PFKL: variants seen among roughly 807,000 people sequenced by gnomAD.
The protein encoded by PFKL is ATP-dependent 6-phosphofructokinase, liver type.
A neutral mutation model predicts 92.1 loss-of-function variants in PFKL; 74 were observed. The ratio of observed to expected loss-of-function variants is 0.80; its 90% confidence interval spans 0.67 to 0.97. The LOEUF (loss-of-function observed/expected upper bound fraction) is 0.97, where lower values mean the gene tolerates loss of function less well. Ranked by LOEUF, PFKL falls within the 50% of genes least tolerant of loss-of-function variation. The pLI, the probability that PFKL is intolerant of heterozygous loss-of-function variation, is 0.00. For missense variants in PFKL, 1,028 were observed against 1,116.6 expected (o/e 0.92, Z 1.13); for synonymous variants, 494 against 456.4 (o/e 1.08, Z -1.05).
intron 6 of PFKL, 69 bp downstream of exon 6, chr21:44,313,751 A>G: frequency 1.3e-6 from 2 of 1,495,964 alleles, no homozygotes; most frequent in African/African-American, 1.4e-5. Context: ...CAGGTGTGGC[A>G]TATTTATTCT....
At chr21:44,311,159 GACAC>G (rs373074934) in intron 3 of PFKL, 76 bp downstream of exon 3, 26 of 1,096,972 alleles carry the variant, frequency 2.4e-5, no homozygotes, top group Admixed American at 1.7e-4. Context: ...TGCACACACA[GACAC>G]ACACACAGAG....
chr21:44,319,977 C>T lies in PFKL; in HGVS notation c.1128-107C>T, dbSNP rs548062178. ...TGCTGCCTCATGGCTGAGCTTCCATCGGGCCGTGTGCCTGTGACCAGCCTC... is the reference window on the plus strand; with the variant it reads ...TGCTGCCTCATGGCTGAGCTTCCATTGGGCCGTGTGCCTGTGACCAGCCTC... On this transcript the variant is annotated intron_variant, in intron 11 of 21. Transcript: ENST00000349048. 1.6e-4 allele frequency: 153 copies of T among 958,352 alleles called. 1 individual carries two copies. In the African/African-American group the frequency reaches 2.0e-3, roughly 12 times the overall value. The allele number at this position is 958,352 out of a possible 1,614,324, so 59.4% of individuals were successfully genotyped here. A position where few individuals can be genotyped will look rare whatever the true frequency, so the allele number is the denominator to read the frequency against.
At chr21:44,313,723 T>G in intron 6 of PFKL, 41 bp downstream of exon 6, 1 of 1,588,022 alleles carries the variant, frequency 6.3e-7, no homozygotes, top group Admixed American at 1.7e-5. Context: ...GCCCGGGTGC[T>G]GCTGGGGACC....
At position 44,311,053 on chromosome 21, in the gene PFKL, CT is replaced by C. The variant is rs1336737381; in HGVS notation, c.208del (p.Trp70GlyfsTer2). 6.2e-7 allele frequency: 1 copy of C among 1,613,216 alleles called. No homozygotes were observed. The highest frequency in any genetic ancestry group is 1.1e-5 in the South Asian group (1 of 91,016). ...EGGENIKQANWLSVSNIIQLG... is the reference protein window; with the variant it reads ...EGGENIKQANXLSVSNIIQLG... ...GAGGTGAGAACATCAAGCAGGCCAA[CT>C]GGCTGAGCGTCTCCAACATCATCCA... On this transcript the variant is annotated frameshift_variant, in exon 3 of 22. Coordinates refer to ENST00000349048, the MANE Select transcript of PFKL (RefSeq NM_002626.6). LOFTEE classifies it high-confidence loss of function.
chr21:44,303,433 CAAAA>C (rs766852746), intron 1 of PFKL, among the ~76,000 whole-genome samples: 1 of 36,814 alleles, frequency 2.7e-5, no homozygotes. Context: ...CAGACTTGAC[CAAAA>C]AAAAAAAAAA....
At chr21:44,318,706 G>A in intron 10 of PFKL, 111 bp downstream of exon 10, 1 of 1,016,290 alleles carries the variant, frequency 9.8e-7, no homozygotes, top group Non-Finnish European at 1.3e-6. Context: ...GGAGGGCAGG[G>A]CCTCGTGGCT....
chr21:44,300,358 C>T (rs927136694), intron 1 of PFKL, among the ~76,000 whole-genome samples, 168 bp downstream of exon 1: 5 of 151,938 alleles, frequency 3.3e-5, no homozygotes, highest in African/African-American at 1.2e-4. Context: ...CCCGCTCTTC[C>T]CCGGCGCGGT....
intron 7 of PFKL, chr21:44,314,447 CT>C (rs761711846): frequency 8.8e-5 from 16 of 182,602 alleles, no homozygotes; most frequent in Admixed American, 2.4e-4. Flanking sequence ...GGGCCTTCCC[CT>C]GAGGGCGGTC....
In PFKL at chr21:44,306,740, T is replaced by G. The variant is rs999535243; in HGVS notation, c.145T>G (p.Phe49Val). 3.1e-6 allele frequency: 5 copies of G among 1,613,828 alleles called. No homozygotes were observed. Among genetic ancestry groups the G allele is most frequent in the Non-Finnish European group, 4.2e-6 (5 of 1,179,870 alleles). ...GGGCATTTATGTGGGTGCCAAAGTC[T>G]TCCTCATCTACGAGGTAAGGCCAAG... ...RMGIYVGAKV[F>V]LIYEGYEGLV... Residue 49 changes from phenylalanine to valine, a missense_variant, in exon 2 of 22, where the codon TTC (phenylalanine) becomes GTC (valine). Transcript: ENST00000349048.
intron 1 of PFKL, among the ~76,000 whole-genome samples, chr21:44,306,288 G>A (rs2040940714): frequency 6.6e-6 from 1 of 152,168 alleles, no homozygotes; most frequent in Admixed American, 6.5e-5. Flanking sequence ...ATGCCTGATT[G>A]CCATGCTCTG....
chr21:44,321,988 TG>T, intron 13 of PFKL, 113 bp downstream of exon 13: 12 of 1,444,654 alleles, frequency 8.3e-6, no homozygotes, highest in Non-Finnish European at 1.1e-5. Context: ...TGGGTCCGCG[TG>T]TCGGTGCCCA....
chr21:44,319,947 G>T (rs1189829725), intron 11 of PFKL, 137 bp from the exon 12 acceptor site: 2 of 735,414 alleles, frequency 2.7e-6, no homozygotes, highest in African/African-American at 3.5e-5. Context: ...GGCATGCGCG[G>T]TGTCTGCTGC....
At chr21:44,324,453 G>A (rs756240303) in intron 16 of PFKL, 38 bp from the exon 17 acceptor site, 3 of 1,607,976 alleles carry the variant, frequency 1.9e-6, no homozygotes, top group Non-Finnish European at 2.6e-6. Context: ...GGGAAGGGTG[G>A]GCACGTGGAG....
chr21:44,323,732 C>A, intron 15 of PFKL, 34 bp from the exon 16 acceptor site: 1 of 1,591,232 alleles, frequency 6.3e-7, no homozygotes, highest in Middle Eastern at 1.7e-4. Context: ...GGCCTCGGTG[C>A]TGCCCTTGAC....
At position 44,324,890 on chromosome 21, in the gene PFKL, C is replaced by T. The variant is rs762039647; in HGVS notation, c.1850C>T (p.Thr617Ile). The change falls in exon 18 of 22, where the codon ACA becomes ATA. Residue 617 changes from threonine (T) to isoleucine (I), a missense_variant. Physicochemically the swap from Thr to Ile is moderately conservative, Grantham distance 89 (BLOSUM62 -1). Coordinates refer to ENST00000349048, the MANE Select transcript of PFKL (RefSeq NM_002626.6). ...NVEHMTEKMKTDIQRGLVLRN... is the reference protein window; with the variant it reads ...NVEHMTEKMKIDIQRGLVLRN... ...GAGCACATGACGGAGAAGATGAAGACAGACATTCAGAGGGGCCTGGTGCTG... is the reference window on the plus strand; with the variant it reads ...GAGCACATGACGGAGAAGATGAAGATAGACATTCAGAGGGGCCTGGTGCTG... 1 of 1,608,832 alleles carries T rather than the reference C, an allele frequency of 6.2e-7. No homozygotes were observed. The highest frequency in any genetic ancestry group is 8.5e-7 in the Non-Finnish European group (1 of 1,177,916).
chr21:44,304,267 G>T lies in PFKL; in HGVS notation c.86-2414G>T, dbSNP rs541694597. The T allele has an allele frequency of 1.2e-4, 156 of 1,289,120 alleles. No individual in the cohort carries two copies. The African/African-American group carries it at 2.1e-3, about 17-fold the overall frequency. 79.9% of individuals were successfully genotyped at this position (1,289,120 alleles called of 1,614,324 possible). A position where few individuals can be genotyped will look rare whatever the true frequency, so the allele number is the denominator to read the frequency against. On this transcript the variant is annotated intron_variant, in intron 1 of 21. Coordinates refer to ENST00000349048, the MANE Select transcript of PFKL (RefSeq NM_002626.6). ...CCCCTGATCCTGGGGCCCCTTTGCC[G>T]TTCCCAGGTCCCCTGACAAGCCCAC...
intron 2 of PFKL, among the ~76,000 whole-genome samples, chr21:44,310,509 T>C (rs919574978): frequency 2.0e-5 from 3 of 152,182 alleles, no homozygotes; most frequent in Non-Finnish European, 2.9e-5. Flanking sequence ...TAGCCTGGGC[T>C]GTTCACACGG....
intron 5 of PFKL, 151 bp downstream of exon 5, chr21:44,313,294 C>T (rs1032014830): frequency 4.0e-5 from 36 of 891,230 alleles, no homozygotes; most frequent in East Asian, 3.4e-4. Context: ...GCTGGGGGAA[C>T]GCACAGCGGG....
intron 1 of PFKL, chr21:44,304,559 C>A: frequency 1.8e-6 from 2 of 1,126,714 alleles, no homozygotes; most frequent in Non-Finnish European, 2.2e-6. Context: ...CTCACTGCCC[C>A]CAACTCCAGT....
Sources: allele counts gnomAD v4.1 joint callset (sites outside exome capture counted in the v4.1 genomes callset), GRCh38; gene constraint gnomAD v4.1.1; transcripts MANE v1.5; gene names NCBI Gene and HGNC (gene_info 2026-07-23, HGNC 2026-07-21).